The following CERS6 variants were observed in gnomAD, a reference collection of about 807,000 sequenced individuals.
The protein encoded by CERS6 is ceramide synthase 6, also known as LAG1 homolog, ceramide synthase 6.
A neutral mutation model predicts 56.8 loss-of-function variants in CERS6; 26 were observed. The observed-to-expected ratio is 0.46, with a 90% CI of 0.34 to 0.63. The LOEUF (loss-of-function observed/expected upper bound fraction) is 0.63. Ranked by LOEUF, CERS6 falls within the 30% of genes least tolerant of loss-of-function variation. The probability of loss-of-function intolerance (pLI) is 0.01; values close to 1 mark genes in which losing one functional copy is unlikely to be tolerated. For missense variants in CERS6, 415 were observed against 467.5 expected (o/e 0.89, Z 1.04); for synonymous variants, 164 against 173.3 (o/e 0.95, Z 0.42).
chr2:168,635,104 C>G (rs1684833416), intron 4 of CERS6, among the ~76,000 whole-genome samples: 1 of 152,156 alleles, frequency 6.6e-6, no homozygotes, highest in African/African-American at 2.4e-5. Context: ...TTGTAACAGA[C>G]ATTTCAAGGA....
At chr2:168,458,673 G>A (rs1020058413) in intron 1 of CERS6, among the ~76,000 whole-genome samples, 1 of 152,182 alleles carries the variant, frequency 6.6e-6, no homozygotes, top group Non-Finnish European at 1.5e-5. Flanking sequence ...TTAATGGCCT[G>A]TATGGAAAGT....
At chr2:168,721,528 G>A (rs1687364901) in intron 8 of CERS6, among the ~76,000 whole-genome samples, 1 of 130,256 alleles carries the variant, frequency 7.7e-6, no homozygotes, top group East Asian at 2.3e-4. Flanking sequence ...ACTACCAAAT[G>A]TTCTTTTTCT....
At chr2:168,742,975 A>T (rs1372628531) in intron 8 of CERS6, among the ~76,000 whole-genome samples, 1 of 151,968 alleles carries the variant, frequency 6.6e-6, no homozygotes, top group Non-Finnish European at 1.5e-5. Context: ...TCTCCTCGGG[A>T]TGGTTGCTTA....
At chr2:168,676,928 G>A (rs551955909) in intron 4 of CERS6, among the ~76,000 whole-genome samples, 16 of 151,210 alleles carry the variant, frequency 1.1e-4, no homozygotes, top group African/African-American at 3.9e-4. Flanking sequence ...CATGAGTAGA[G>A]TTTGGTGCCA....
At chr2:168,467,672 G>T (rs750302561) in intron 1 of CERS6, among the ~76,000 whole-genome samples, 14 of 152,148 alleles carry the variant, frequency 9.2e-5, no homozygotes, top group Non-Finnish European at 2.1e-4. Flanking sequence ...GTCCTCTCTT[G>T]TAAAATGGAG....
chr2:168,733,072 T>C (rs1683596526), intron 8 of CERS6, among the ~76,000 whole-genome samples: 1 of 152,278 alleles, frequency 6.6e-6, no homozygotes, highest in African/African-American at 2.4e-5. Context: ...CTTTTCGTAA[T>C]TAAATGTGGA....
chr2:168,570,650 T>C (rs992954022), intron 3 of CERS6, among the ~76,000 whole-genome samples: 3 of 152,104 alleles, frequency 2.0e-5, no homozygotes, highest in African/African-American at 7.2e-5. Context: ...TTACCTCCTG[T>C]GTGCAGGAGA....
intron 8 of CERS6, among the ~76,000 whole-genome samples, chr2:168,726,522 C>A (rs1049960558): frequency 6.6e-6 from 1 of 152,146 alleles, no homozygotes; most frequent in African/African-American, 2.4e-5. Context: ...CACAAAGATG[C>A]TGAAAGAGAA....
At chr2:168,460,208 T>C (rs929127898) in intron 1 of CERS6, among the ~76,000 whole-genome samples, 4 of 152,180 alleles carry the variant, frequency 2.6e-5, no homozygotes, top group African/African-American at 4.8e-5. Context: ...CTTTTCTTTT[T>C]TTTTGAGACA....
intron 9 of CERS6, among the ~76,000 whole-genome samples, chr2:168,768,124 A>G (rs1027555680): frequency 1.3e-5 from 2 of 152,220 alleles, no homozygotes; most frequent in African/African-American, 2.4e-5. Context: ...ATGGTAATGT[A>G]TAGATTTACA....
chr2:168,746,056 G>A (rs1023265008), intron 8 of CERS6, among the ~76,000 whole-genome samples: 1 of 152,120 alleles, frequency 6.6e-6, no homozygotes, highest in Non-Finnish European at 1.5e-5. Context: ...GATTCACGTT[G>A]CCAGAGCCTG....
At chr2:168,504,748 T>A (rs1694645978) in intron 1 of CERS6, among the ~76,000 whole-genome samples, 1 of 152,138 alleles carries the variant, frequency 6.6e-6, no homozygotes, top group Non-Finnish European at 1.5e-5. Flanking sequence ...AGTATGGGCA[T>A]GCTGCAGGGG....
At chr2:168,532,954 TTTAAG>T (rs1419782830) in intron 1 of CERS6, among the ~76,000 whole-genome samples, 3 of 152,338 alleles carry the variant, frequency 2.0e-5, no homozygotes, top group East Asian at 1.9e-4. Context: ...ATTGAAAGCA[TTTAAG>T]TTATTTACCT....
At chr2:168,717,374 A>G (rs1463883096) in intron 7 of CERS6, among the ~76,000 whole-genome samples, 4 of 152,178 alleles carry the variant, frequency 2.6e-5, no homozygotes, top group Non-Finnish European at 5.9e-5. Context: ...AAGAAAACCT[A>G]CAATTTTAAG....
chr2:168,607,499 A>G (rs1159656910), intron 3 of CERS6, among the ~76,000 whole-genome samples: 1 of 152,148 alleles, frequency 6.6e-6, no homozygotes, highest in Non-Finnish European at 1.5e-5. Flanking sequence ...CTCCTGCCTC[A>G]GCCTCCCAAG....
At chr2:168,562,065 G>A (rs371883518) in intron 3 of CERS6, among the ~76,000 whole-genome samples, 2 of 152,158 alleles carry the variant, frequency 1.3e-5, no homozygotes, top group Admixed American at 1.3e-4. Context: ...CATCTTTTGG[G>A]TGTAACTCTT....
intron 2 of CERS6, among the ~76,000 whole-genome samples, chr2:168,551,442 T>C (rs1159659381): frequency 6.6e-6 from 1 of 152,212 alleles, no homozygotes; most frequent in African/African-American, 2.4e-5. Flanking sequence ...GTCCCGTCAT[T>C]GTGGCCTTGG....
At chr2:168,461,237 A>G (rs771207977) in intron 1 of CERS6, among the ~76,000 whole-genome samples, 11 of 152,196 alleles carry the variant, frequency 7.2e-5, no homozygotes, top group East Asian at 1.9e-4. Context: ...GTTAAACCCT[A>G]TAAGTGTTCC....
At chr2:168,692,196 A>G (rs1206368848) in intron 5 of CERS6, among the ~76,000 whole-genome samples, 3 of 152,176 alleles carry the variant, frequency 2.0e-5, no homozygotes, top group Non-Finnish European at 2.9e-5. Flanking sequence ...ATAGAGACTA[A>G]AGCAGTGTTG....
Sources: gnomAD v4.1 joint callset for allele counts (sites outside exome capture counted in the v4.1 genomes callset) on GRCh38, gnomAD v4.1.1 for gene constraint, MANE v1.5 for transcripts, NCBI Gene and HGNC (gene_info 2026-07-23, HGNC 2026-07-21) for gene names.